The following SI variants were observed in gnomAD, a reference collection of about 807,000 sequenced individuals.
SI encodes the protein sucrase-isomaltase, intestinal.
Under a neutral mutation model 253.3 loss-of-function variants are expected in SI, and 235 were observed. That is an observed-to-expected ratio of 0.93 (90% confidence interval 0.83 to 1.03). The LOEUF is 1.03. SI is among the 50% of genes least tolerant of loss of function. The pLI, the probability that SI is intolerant of heterozygous loss-of-function variation, is 0.00. For synonymous variants in SI, 819 were observed against 712.0 expected, an observed-to-expected ratio of 1.15 and a Z score of -2.39; for missense variants, 2,442 against 2,211.1, an observed-to-expected ratio of 1.10 and a Z score of -2.09.
intron 38 of SI, among the ~76,000 whole-genome samples, chr3:164,997,379 T>A (rs1484624085): frequency 3.3e-5 from 5 of 151,654 alleles, no homozygotes; most frequent in Non-Finnish European, 7.4e-5. Context: ...AATGGTAATG[T>A]CTTATTTAGC....
intron 24 of SI, among the ~76,000 whole-genome samples, chr3:165,031,548 T>G (rs1712246607): frequency 6.7e-6 from 1 of 150,058 alleles, no homozygotes; most frequent in Non-Finnish European, 1.5e-5. Context: ...CTAGGAAATA[T>G]AAATCATAAT....
At chr3:164,989,470 G>A (rs1375588353) in intron 44 of SI, among the ~76,000 whole-genome samples, 1 of 151,716 alleles carries the variant, frequency 6.6e-6, no homozygotes, top group Non-Finnish European at 1.5e-5. Context: ...GAGGAGAAGA[G>A]AGGAGAAGAG....
Position 165,039,940 on chromosome 3 carries a change from C to G in SI, c.2191G>C (p.Asp731His), listed in dbSNP as rs1011926780. Residue 731 changes from aspartate (D) to histidine (H), a missense_variant, in exon 19 of 48, where the codon GAC (aspartate) becomes CAC (histidine). Asp to His is a moderately conservative substitution (Grantham distance 81). Transcript: ENST00000264382. ...FYEDTNSWIE[D>H]TEFLWGPALL... ...GCAGGGCCCCACAAAAACTCAGTGT[C>G]CTCAATCCAGCTGTTCGTATCCTCA... 27 of 1,613,160 alleles carry G rather than the reference C, an allele frequency of 1.7e-5. No homozygotes were observed. The highest frequency in any genetic ancestry group is 2.2e-5 in the Non-Finnish European group (26 of 1,179,428).
intron 7 of SI, among the ~76,000 whole-genome samples, chr3:165,063,771 A>G (rs900946775): frequency 2.7e-5 from 4 of 150,026 alleles, no homozygotes; most frequent in African/African-American, 9.7e-5. Flanking sequence ...AACATATATA[A>G]TACTATTAAT....
chr3:165,069,650 C>T (rs1156702676), intron 3 of SI, among the ~76,000 whole-genome samples: 1 of 151,966 alleles, frequency 6.6e-6, no homozygotes, highest in African/African-American at 2.4e-5. Context: ...TACCTACTTA[C>T]TAGTTCATAT....
At chr3:165,025,338 A>T (rs1711856503) in intron 25 of SI, among the ~76,000 whole-genome samples, 1 of 151,256 alleles carries the variant, frequency 6.6e-6, no homozygotes, top group South Asian at 2.1e-4. Flanking sequence ...AGCCTGCAAG[A>T]AGTCTGGGAT....
chr3:165,030,891 G>GA (rs748323674), intron 24 of SI, 24 bp from the exon 25 acceptor site: 12 of 1,199,920 alleles, frequency 1.0e-5, no homozygotes, highest in South Asian at 5.7e-5. Context: ...AAAAAAAAAA[G>GA]AAAAAAAGAA....
chr3:165,053,004 A>T (rs1713509068), intron 13 of SI, among the ~76,000 whole-genome samples: 1 of 151,902 alleles, frequency 6.6e-6, no homozygotes, highest in Non-Finnish European at 1.5e-5. Context: ...GAATAGAACC[A>T]AAATAACAAC....
At chr3:165,046,521 T>A (rs1328031538) in intron 16 of SI, among the ~76,000 whole-genome samples, 1 of 152,068 alleles carries the variant, frequency 6.6e-6, no homozygotes, top group African/African-American at 2.4e-5. Flanking sequence ...TTATAACCAA[T>A]GTATTTGAAC....
intron 13 of SI, 54 bp downstream of exon 13, chr3:165,055,140 A>G: frequency 9.8e-7 from 1 of 1,016,878 alleles, no homozygotes. Flanking sequence ...ATTTTTACAG[A>G]TAAATAAGTC....
chr3:165,014,495 C>T (rs939233623), intron 33 of SI, among the ~76,000 whole-genome samples: 4 of 152,196 alleles, frequency 2.6e-5, no homozygotes, highest in South Asian at 4.1e-4. Flanking sequence ...ATGATCCGCC[C>T]GCCTTGGCCT....
intron 25 of SI, among the ~76,000 whole-genome samples, chr3:165,029,949 T>A (rs1355562595): frequency 1.3e-5 from 2 of 150,594 alleles, no homozygotes; most frequent in Admixed American, 6.7e-5. Context: ...TATGCTGCTT[T>A]AACAATTAAT....
chr3:165,082,031 T>C (rs1422750018), upstream of SI, among the ~76,000 whole-genome samples: 1 of 151,984 alleles, frequency 6.6e-6, no homozygotes, highest in Non-Finnish European at 1.5e-5. Context: ...ACACATTTGC[T>C]AATAAATAGC....
Position 164,994,361 on chromosome 3 carries a change from T to G in SI, c.4737A>C (p.Ser1579=), listed in dbSNP as rs1219011860. ...TGTATCTAATATTTAGAATATTCCT[T>G]GACATTTCAGCAAAAGTTTCATTCC... is the stretch of plus-strand genomic sequence containing the variant. ...ASWNETFAEM[S]RNILNIRYTL... The change falls in exon 41 of 48, where the codon TCA becomes TCC. Residue 1579 remains serine, a synonymous_variant. Transcript: ENST00000264382. 6.2e-7 allele frequency: 1 copy of G among 1,611,262 alleles called. No homozygotes were observed. The highest frequency in any genetic ancestry group is 1.1e-5 in the South Asian group (1 of 91,046).
rs747238762 is a variant in SI, at chr3:164,994,316, G to A, written c.4782C>T (p.Tyr1594=). Residue 1594 remains tyrosine, a synonymous_variant, in exon 41 of 48, where the codon TAC becomes TAT. Coordinates refer to ENST00000264382, the MANE Select transcript of SI (RefSeq NM_001041.4). The part of the protein sequence containing the change: ...NIRYTLLPYF[Y]TQMHEIHANG... ...TAGCATGAATTTCATGCATTTGTGT[G>A]TAAAAATAGGGCAATAAGGTGTATC... The A allele has an allele frequency of 3.1e-6, 5 of 1,611,062 alleles. No homozygotes were observed. The African/African-American group carries it at 4.0e-5, about 13-fold the overall frequency.
At chr3:165,084,037 T>C in the SI span, among the ~76,000 whole-genome samples, 9 of 152,106 alleles carry the variant, frequency 5.9e-5, no homozygotes, top group East Asian at 7.7e-4. Flanking sequence ...ATGCTGAAAT[T>C]CCTACCCTAA....
intron 12 of SI, among the ~76,000 whole-genome samples, chr3:165,056,626 G>T (rs113143426): frequency 6.6e-6 from 1 of 152,108 alleles, no homozygotes; most frequent in East Asian, 1.9e-4. Context: ...AGTGATTGTG[G>T]TCTTTTGCAT....
At chr3:165,071,674 G>T (rs1714586058) in intron 3 of SI, among the ~76,000 whole-genome samples, 1 of 151,986 alleles carries the variant, frequency 6.6e-6, no homozygotes, top group African/African-American at 2.4e-5. Context: ...ATATAAGGGT[G>T]GGGCCCTAAT....
intron 25 of SI, 23 bp from the exon 26 acceptor site, chr3:165,023,799 T>A (rs776433681): frequency 1.3e-6 from 2 of 1,518,386 alleles, no homozygotes; most frequent in East Asian, 2.3e-5. Context: ...TGCATGTTCA[T>A]TGCCAGAAAT....
Sources: allele counts gnomAD v4.1 joint callset (sites outside exome capture counted in the v4.1 genomes callset), GRCh38; gene constraint gnomAD v4.1.1; transcripts MANE v1.5; gene names NCBI Gene and HGNC (gene_info 2026-07-23, HGNC 2026-07-21).